Variants in OSBPL6 observed in about 807,000 individuals in gnomAD.
OSBPL6 encodes the protein oxysterol binding protein like 6, also known as oxysterol-binding protein-related protein 6.
Under a neutral mutation model 125.8 loss-of-function variants are expected in OSBPL6, and 49 were observed. The ratio of observed to expected loss-of-function variants is 0.39; its 90% CI spans 0.31 to 0.49. The LOEUF (loss-of-function observed/expected upper bound fraction) is 0.49, where lower values mean the gene tolerates loss of function less well. OSBPL6 is among the 20% of genes least tolerant of loss of function. OSBPL6 has a pLI of 0.88. For synonymous variants in OSBPL6, 394 were observed against 391.8 expected, an observed-to-expected ratio of 1.01 and a Z score of -0.07; for missense variants, 986 against 1,135.4, an observed-to-expected ratio of 0.87 and a Z score of 1.89.
intron 6 of OSBPL6, among the ~76,000 whole-genome samples, 190 bp from the exon 7 acceptor site, chr2:178,332,451 G>A (rs553518096): frequency 6.6e-6 from 1 of 152,334 alleles, no homozygotes; most frequent in African/African-American, 2.4e-5. Context: ...TTGACGTGAA[G>A]TCACTGCAAC....
At chr2:178,263,427 G>A (rs1376608269) in intron 1 of OSBPL6, among the ~76,000 whole-genome samples, 1 of 152,202 alleles carries the variant, frequency 6.6e-6, no homozygotes, top group Non-Finnish European at 1.5e-5. Context: ...GCAGTGAGCT[G>A]AGATTGCACC....
chr2:178,315,414 C>T (rs2154067116), intron 3 of OSBPL6, among the ~76,000 whole-genome samples: 1 of 152,240 alleles, frequency 6.6e-6, no homozygotes, highest in African/African-American at 2.4e-5. Context: ...AGCTTTAAGA[C>T]AGTATTTGGA....
At chr2:178,205,211 T>C (rs925192944) in intron 1 of OSBPL6, among the ~76,000 whole-genome samples, 5 of 152,084 alleles carry the variant, frequency 3.3e-5, no homozygotes, top group Admixed American at 3.3e-4. Flanking sequence ...CTGGGGGGAA[T>C]TGAGAGTGCT....
At chr2:178,300,482 A>G (rs963917465) in intron 2 of OSBPL6, among the ~76,000 whole-genome samples, 1 of 152,206 alleles carries the variant, frequency 6.6e-6, no homozygotes, top group Non-Finnish European at 1.5e-5. Context: ...GGCAGCGGGG[A>G]CAGGGTCTCG....
At chr2:178,253,880 A>G (rs12477880) in intron 1 of OSBPL6, among the ~76,000 whole-genome samples, 151,972 of 152,308 alleles carry the variant, frequency 1, 75,819 homozygotes, top group Middle Eastern at 1. Context: ...GAGTCATGAG[A>G]GCTCTGCCCT....
chr2:178,395,971 C>T lies in OSBPL6; in HGVS notation c.*412C>T. On this transcript the variant is annotated 3_prime_UTR_variant, in exon 25 of 25. Transcript: ENST00000190611. Reference sequence around the variant, plus strand: ...ACTGTCTGGAAGCACCATCCCCTATCGCAGGACTCCTGGGCCACAAGCAGT... The same window carrying T: ...ACTGTCTGGAAGCACCATCCCCTATTGCAGGACTCCTGGGCCACAAGCAGT... 8.4e-6 allele frequency: 3 copies of T among 355,678 alleles called. No homozygotes were observed. The highest frequency in any genetic ancestry group is 4.6e-5 in the South Asian group (2 of 43,574). 22.0% of individuals were successfully genotyped at this position (355,678 alleles called of 1,614,324 possible). A position where few individuals can be genotyped will look rare whatever the true frequency, so the allele number is the denominator to read the frequency against.
intron 1 of OSBPL6, among the ~76,000 whole-genome samples, chr2:178,282,945 G>A (rs1040685213): frequency 6.6e-6 from 1 of 152,138 alleles, no homozygotes; most frequent in East Asian, 1.9e-4. Flanking sequence ...GAGCCACTGC[G>A]CCTGGCCTGC....
intron 1 of OSBPL6, among the ~76,000 whole-genome samples, chr2:178,228,742 A>G (rs1290094601): frequency 2.0e-5 from 3 of 152,198 alleles, no homozygotes; most frequent in East Asian, 1.9e-4. Context: ...TCAAAGTCTG[A>G]TGTGTATTTT....
intron 1 of OSBPL6, among the ~76,000 whole-genome samples, chr2:178,276,657 G>A (rs746241976): frequency 3.3e-5 from 5 of 152,078 alleles, no homozygotes; most frequent in Non-Finnish European, 7.4e-5. Flanking sequence ...ACAGGCTTAA[G>A]CCACCACTCC....
chr2:178,305,846 CTTTT>C (rs11476329), intron 2 of OSBPL6, among the ~76,000 whole-genome samples, 180 bp from the exon 3 acceptor site: 21 of 140,224 alleles, frequency 1.5e-4, no homozygotes, highest in Admixed American at 2.8e-4. Context: ...GTTAACAGTC[CTTTT>C]TTTTTTTTTT....
chr2:178,243,025 CAT>C (rs972404498), intron 1 of OSBPL6, among the ~76,000 whole-genome samples: 1 of 151,520 alleles, frequency 6.6e-6, no homozygotes, highest in African/African-American at 2.4e-5. Flanking sequence ...ATAAATATAT[CAT>C]TTATAAAATA....
At chr2:178,361,291 G>T (rs149210426) in intron 12 of OSBPL6, among the ~76,000 whole-genome samples, 4 of 152,192 alleles carry the variant, frequency 2.6e-5, no homozygotes, top group African/African-American at 4.8e-5. Flanking sequence ...AATTATTTAT[G>T]TGAGACTTTA....
At position 178,378,823 on chromosome 2, in the gene OSBPL6, A is replaced by G. The variant is rs775106469; in HGVS notation, c.1534-3597A>G. 3.3e-5 allele frequency among the ~76,000 whole-genome samples: 5 copies of G among 152,280 alleles called. 1 individual carries two copies. The highest frequency in any genetic ancestry group is 6.8e-3 in the Middle Eastern group (2 of 294). Reference sequence around the variant, plus strand: ...TATTATTGTAGAATTCTTTTACACCAGTGATTTCTGATCATTTCTATGATA... The same window carrying G: ...TATTATTGTAGAATTCTTTTACACCGGTGATTTCTGATCATTTCTATGATA... On this transcript the variant is annotated intron_variant, in intron 15 of 24. Transcript: ENST00000190611.
chr2:178,232,759 C>A (rs1372542673), intron 1 of OSBPL6, among the ~76,000 whole-genome samples: 1 of 151,850 alleles, frequency 6.6e-6, no homozygotes, highest in Admixed American at 6.6e-5. Flanking sequence ...CTACTCAGCC[C>A]AGTACTTTAT....
intron 17 of OSBPL6, 28 bp downstream of exon 17, chr2:178,383,305 C>G: frequency 1.2e-6 from 2 of 1,605,132 alleles, no homozygotes; most frequent in South Asian, 2.2e-5. Flanking sequence ...GAGCAGCGCC[C>G]CTCAGGGATT....
At chr2:178,385,643 T>A (rs1694873944) in intron 19 of OSBPL6, 122 bp downstream of exon 19, 1 of 735,348 alleles carries the variant, frequency 1.4e-6, no homozygotes, top group Non-Finnish European at 2.2e-6. Flanking sequence ...ATGTTAGTAA[T>A]TGGTGCAGAG....
chr2:178,317,329 A>T (rs1042269419), intron 3 of OSBPL6, among the ~76,000 whole-genome samples: 2 of 150,582 alleles, frequency 1.3e-5, no homozygotes. Context: ...TTTTCAAACC[A>T]CTTTGAGGTG....
chr2:178,232,206 A>G (rs2090861168), intron 1 of OSBPL6, among the ~76,000 whole-genome samples: 1 of 152,202 alleles, frequency 6.6e-6, no homozygotes, highest in Non-Finnish European at 1.5e-5. Flanking sequence ...GATAATGAAG[A>G]TATATTTTTA....
intron 1 of OSBPL6, among the ~76,000 whole-genome samples, chr2:178,227,320 C>A (rs573263110): frequency 6.6e-6 from 1 of 152,276 alleles, no homozygotes; most frequent in South Asian, 2.1e-4. Flanking sequence ...AGAGCTAGGG[C>A]AAATATGGAT....
Sources: allele counts gnomAD v4.1 joint callset (sites outside exome capture counted in the v4.1 genomes callset), GRCh38; gene constraint gnomAD v4.1.1; transcripts MANE v1.5; gene names NCBI Gene and HGNC (gene_info 2026-07-23, HGNC 2026-07-21).